The following KCNH7 variants were observed in gnomAD, a reference collection of about 807,000 sequenced individuals.
KCNH7 encodes voltage-gated inwardly rectifying potassium channel KCNH7.
A neutral mutation model predicts 120.8 loss-of-function variants in KCNH7; 49 were observed. The ratio of observed to expected loss-of-function variants is 0.41; its 90% CI spans 0.32 to 0.51. KCNH7 has a LOEUF of 0.51. Among genes scored for constraint, KCNH7 ranks in the 20% least tolerant of loss-of-function variants. The pLI is 0.38. For synonymous variants in KCNH7, 547 were observed against 516.1 expected, an observed-to-expected ratio of 1.06 and a Z score of -0.81; for missense variants, 1,097 against 1,446.6, an observed-to-expected ratio of 0.76 and a Z score of 3.92.
intron 2 of KCNH7, among the ~76,000 whole-genome samples, chr2:162,558,260 T>C (rs1027233297): frequency 2.6e-5 from 4 of 151,978 alleles, no homozygotes; most frequent in African/African-American, 7.2e-5. Flanking sequence ...CTTCAAGCTC[T>C]GCCTCCTGGG....
At chr2:162,751,121 G>A (rs1688527629) in intron 2 of KCNH7, among the ~76,000 whole-genome samples, 1 of 152,094 alleles carries the variant, frequency 6.6e-6, no homozygotes, top group African/African-American at 2.4e-5. Context: ...AGGCTCATCA[G>A]ATTTCTGGAT....
rs146303535 is a variant in KCNH7 at position 162,679,901 on chromosome 2, T to C, written c.308-142821A>G. Among the ~76,000 whole-genome samples the C allele has an allele frequency of 6.0e-3, 910 of 151,916 alleles. 8 individuals are homozygous for C. Among genetic ancestry groups the C allele is most frequent in the African/African-American group, 0.021 (854 of 41,552 alleles). The stretch of plus-strand genomic sequence containing the variant: ...AAAAATGTATTTAAAGTTTGTAATG[T>C]CTTTGGAATTTACAAATTTAAGGCA... On this transcript the variant is annotated intron_variant, in intron 2 of 15. Coordinates refer to ENST00000332142, the MANE Select transcript of KCNH7 (RefSeq NM_033272.4).
intron 2 of KCNH7, among the ~76,000 whole-genome samples, chr2:162,580,232 T>C (rs1407966376): frequency 6.6e-6 from 1 of 152,008 alleles, no homozygotes; most frequent in Non-Finnish European, 1.5e-5. Flanking sequence ...CGTCCATCAC[T>C]TACAAATGAT....
chr2:162,459,471 C>T (rs1284048298), intron 6 of KCNH7, among the ~76,000 whole-genome samples: 1 of 152,134 alleles, frequency 6.6e-6, no homozygotes, highest in Admixed American at 6.6e-5. Context: ...GCCCCATTTG[C>T]AATCAGGTAT....
At chr2:162,820,965 G>A (rs1685099525) in intron 2 of KCNH7, among the ~76,000 whole-genome samples, 1 of 152,048 alleles carries the variant, frequency 6.6e-6, no homozygotes, top group Non-Finnish European at 1.5e-5. Context: ...CTGCTTTAAT[G>A]CTAGCAGCCC....
intron 6 of KCNH7, 78 bp downstream of exon 6, chr2:162,504,365 A>G (rs1342522852): frequency 9.2e-7 from 1 of 1,091,440 alleles, no homozygotes; most frequent in South Asian, 1.4e-5. Flanking sequence ...ACAGTCATTT[A>G]TAAGAAAAAG....
chr2:162,697,307 T>C (rs759471040), intron 2 of KCNH7, among the ~76,000 whole-genome samples: 1 of 152,100 alleles, frequency 6.6e-6, no homozygotes, highest in South Asian at 2.1e-4. Context: ...ACCAAAAGTG[T>C]GCAATCAGCA....
chr2:162,409,590 G>A (rs1340591479), intron 9 of KCNH7, among the ~76,000 whole-genome samples: 2 of 151,868 alleles, frequency 1.3e-5, no homozygotes, highest in Non-Finnish European at 2.9e-5. Context: ...CCTACCCAGA[G>A]GAATTAGATA....
intron 2 of KCNH7, among the ~76,000 whole-genome samples, chr2:162,742,613 T>A (rs75952054): frequency 0.017 from 2,662 of 152,316 alleles, 72 homozygotes; most frequent in African/African-American, 0.06. Flanking sequence ...AGGCAAATTA[T>A]CTGCAATTCA....
At position 162,689,428 on chromosome 2, in the gene KCNH7, A is replaced by G. The variant is rs1014171827; in HGVS notation, c.307+147109T>C. On this transcript the variant is annotated intron_variant, in intron 2 of 15. Coordinates refer to ENST00000332142, the MANE Select transcript of KCNH7 (RefSeq NM_033272.4). ...CGGCCGCCCAAAGTGCTGGGATTACAGGCATGAGCCACCTTGCCCAGCCAA... is the reference window on the plus strand; with the variant it reads ...CGGCCGCCCAAAGTGCTGGGATTACGGGCATGAGCCACCTTGCCCAGCCAA... Among the ~76,000 whole-genome samples the G allele has an allele frequency of 7.9e-5, 12 of 152,222 alleles. No homozygotes were observed. In the East Asian group the frequency reaches 1.9e-3, roughly 25 times the overall value.
intron 2 of KCNH7, among the ~76,000 whole-genome samples, chr2:162,620,471 T>C (rs1237851533): frequency 1.3e-5 from 2 of 152,018 alleles, no homozygotes; most frequent in African/African-American, 4.8e-5. Context: ...CTTCATTAGA[T>C]TGCCTTTTTT....
At chr2:162,582,575 T>C (rs1383067765) in intron 2 of KCNH7, among the ~76,000 whole-genome samples, 1 of 152,070 alleles carries the variant, frequency 6.6e-6, no homozygotes, top group Non-Finnish European at 1.5e-5. Flanking sequence ...AAGCCAGCCC[T>C]GCTGAAGGGG....
chr2:162,561,362 G>A (rs1035710896), intron 2 of KCNH7, among the ~76,000 whole-genome samples: 1 of 152,100 alleles, frequency 6.6e-6, no homozygotes, highest in Non-Finnish European at 1.5e-5. Flanking sequence ...AAGTGAAAAT[G>A]TAAACTTTCT....
intron 6 of KCNH7, among the ~76,000 whole-genome samples, chr2:162,501,250 A>T (rs959182766): frequency 1.3e-5 from 2 of 152,018 alleles, no homozygotes; most frequent in East Asian, 3.9e-4. Flanking sequence ...TAAGTGTTTC[A>T]CCTGACTCCA....
At chr2:162,810,375 G>A (rs961548666) in intron 2 of KCNH7, among the ~76,000 whole-genome samples, 1 of 152,154 alleles carries the variant, frequency 6.6e-6, no homozygotes, top group African/African-American at 2.4e-5. Flanking sequence ...AGAGAAAAGT[G>A]AACAAGTGAA....
chr2:162,759,240 A>T (rs1246894564), intron 2 of KCNH7, among the ~76,000 whole-genome samples: 1 of 152,134 alleles, frequency 6.6e-6, no homozygotes, highest in Admixed American at 6.6e-5. Context: ...GGCCCAAGTC[A>T]GAGGAGTAAA....
chr2:162,373,294 C>T (rs1442072720), intron 15 of KCNH7, among the ~76,000 whole-genome samples, 176 bp downstream of exon 15: 1 of 152,224 alleles, frequency 6.6e-6, no homozygotes, highest in South Asian at 2.1e-4. Flanking sequence ...TAAAAATCAG[C>T]GTGGGCTTGT....
intron 2 of KCNH7, among the ~76,000 whole-genome samples, chr2:162,544,957 A>AATT (rs1692428765): frequency 6.6e-6 from 1 of 152,174 alleles, no homozygotes; most frequent in African/African-American, 2.4e-5. Flanking sequence ...TTATTACTAC[A>AATT]ATTATTAACA....
chr2:162,645,512 T>G (rs555102857), intron 2 of KCNH7, among the ~76,000 whole-genome samples: 1 of 152,218 alleles, frequency 6.6e-6, no homozygotes, highest in African/African-American at 2.4e-5. Flanking sequence ...TGATCTGAGG[T>G]CATTTGCAAA....
Sources: gnomAD v4.1 joint callset for allele counts (sites outside exome capture counted in the v4.1 genomes callset) on GRCh38, gnomAD v4.1.1 for gene constraint, MANE v1.5 for transcripts, NCBI Gene and HGNC (gene_info 2026-07-23, HGNC 2026-07-21) for gene names.